The following VPS13B variants were observed in gnomAD, a reference collection of about 807,000 sequenced individuals.
VPS13B encodes intermembrane lipid transfer protein VPS13B.
A neutral mutation model predicts 426.4 loss-of-function variants in VPS13B; 285 were observed. That is an observed-to-expected ratio of 0.67 (90% confidence interval 0.61 to 0.74). The LOEUF (loss-of-function observed/expected upper bound fraction) is 0.74, where lower values mean the gene tolerates loss of function less well. VPS13B is among the 30% of genes least tolerant of loss of function. The probability of loss-of-function intolerance (pLI) is 0.00; values close to 1 mark genes in which losing one functional copy is unlikely to be tolerated. For missense variants in VPS13B, 4,537 were observed against 4,782.6 expected (o/e 0.95, Z 1.51); for synonymous variants, 1,676 against 1,676.4 (o/e 1.00, Z 0.01).
At chr8:99,450,632 G>C (rs1563736884) in intron 23 of VPS13B, among the ~76,000 whole-genome samples, 1 of 152,110 alleles carries the variant, frequency 6.6e-6, no homozygotes, top group East Asian at 1.9e-4. Flanking sequence ...AGAATCGCTT[G>C]AACCTGGGAG....
intron 19 of VPS13B, among the ~76,000 whole-genome samples, chr8:99,276,242 G>A (rs1461573480): frequency 6.6e-6 from 1 of 152,120 alleles, no homozygotes; most frequent in Non-Finnish European, 1.5e-5. Context: ...CAGTTGAGTG[G>A]TATCCACATT....
chr8:99,148,246 C>T (rs1213591540), intron 14 of VPS13B, among the ~76,000 whole-genome samples: 2 of 151,446 alleles, frequency 1.3e-5, no homozygotes, highest in Admixed American at 6.6e-5. Context: ...TGCCTGTATT[C>T]CCAGCTCTTC....
intron 33 of VPS13B, among the ~76,000 whole-genome samples, chr8:99,600,232 T>C (rs1827217975): frequency 6.6e-6 from 1 of 152,112 alleles, no homozygotes; most frequent in Admixed American, 6.5e-5. Context: ...ACTCTCTGAA[T>C]TTGGGGTTAC....
intron 19 of VPS13B, among the ~76,000 whole-genome samples, chr8:99,331,216 T>G (rs2133154938): frequency 6.6e-6 from 1 of 152,012 alleles, no homozygotes; most frequent in East Asian, 1.9e-4. Context: ...TTGTTGTGGT[T>G]GTTTTTAAAT....
chr8:99,741,511 C>T (rs1418596989), intron 39 of VPS13B, among the ~76,000 whole-genome samples: 7 of 152,188 alleles, frequency 4.6e-5, no homozygotes, highest in Non-Finnish European at 1.0e-4. Context: ...CCCAAATCAA[C>T]AGAATATACA....
At chr8:99,424,579 T>C (rs919466010) in intron 21 of VPS13B, 1 of 152,220 alleles carries the variant, frequency 6.6e-6, no homozygotes, top group Admixed American at 6.6e-5. Context: ...GGGAAATTGA[T>C]AGCACTAAAT....
At chr8:99,098,237 C>T (rs1048378596) in intron 4 of VPS13B, among the ~76,000 whole-genome samples, 1 of 152,122 alleles carries the variant, frequency 6.6e-6, no homozygotes, top group African/African-American at 2.4e-5. Flanking sequence ...GGTTTTATGG[C>T]TTCAGTCACT....
intron 40 of VPS13B, among the ~76,000 whole-genome samples, chr8:99,775,696 A>C (rs1014925388): frequency 6.6e-6 from 1 of 152,094 alleles, no homozygotes; most frequent in African/African-American, 2.4e-5. Flanking sequence ...TCAGGAGTTC[A>C]AGACCAGCCT....
At chr8:99,204,977 C>T (rs1025667145) in intron 17 of VPS13B, among the ~76,000 whole-genome samples, 4 of 152,262 alleles carry the variant, frequency 2.6e-5, no homozygotes, top group African/African-American at 9.6e-5. Context: ...ACCAGAAATA[C>T]CATTTGACCC....
chr8:99,567,688 TTGAG>T (rs1006970132), intron 31 of VPS13B, among the ~76,000 whole-genome samples: 2 of 152,198 alleles, frequency 1.3e-5, no homozygotes, highest in South Asian at 2.1e-4. Flanking sequence ...AGGTCCCCTA[TTGAG>T]TATTTCCACA....
Position 99,158,026 on chromosome 8 carries a change from G to A in VPS13B, c.2208+1283G>A, listed in dbSNP as rs563726080. Among the ~76,000 whole-genome samples, 34 of 152,332 alleles carry A rather than the reference G, an allele frequency of 2.2e-4. 1 individual carries two copies. The highest frequency in any genetic ancestry group is 3.4e-3 in the Middle Eastern group (1 of 294). On this transcript the variant is annotated intron_variant, in intron 15 of 61. Transcript: ENST00000357162. ...GCTGGCAGAGGTTGGTTCATGAAGT[G>A]TAAGAGAAGCCATCTCCATAACATA...
rs751322320 is a variant in VPS13B, at chr8:99,870,735, C to T, written c.11393-50C>T. ...CAGATGACATCATTGCAGCATGAAA[C>T]TGTTTTCCAGAAAACAAGTAGTAAA... is the stretch of plus-strand genomic sequence containing the variant. On this transcript the variant is annotated intron_variant, in intron 59 of 61. Coordinates refer to ENST00000357162, the MANE Select transcript of VPS13B (RefSeq NM_152564.5). 10 of 1,533,438 alleles carry T rather than the reference C, an allele frequency of 6.5e-6. No homozygotes were observed. The African/African-American group carries it at 1.2e-4, about 19-fold the overall frequency. 95.0% of individuals were successfully genotyped at this position (1,533,438 alleles called of 1,614,324 possible).
chr8:99,084,197 G>A (rs1372596306), intron 3 of VPS13B, among the ~76,000 whole-genome samples: 2 of 151,750 alleles, frequency 1.3e-5, no homozygotes, highest in African/African-American at 2.4e-5. Context: ...AGGGTGTGTC[G>A]AGGAATTTAT....
chr8:99,602,491 C>G (rs183777361), intron 33 of VPS13B, among the ~76,000 whole-genome samples: 33 of 152,008 alleles, frequency 2.2e-4, no homozygotes, highest in Middle Eastern at 3.4e-3. Context: ...TTTTTTGGCT[C>G]TCACCACTCC....
intron 3 of VPS13B, among the ~76,000 whole-genome samples, chr8:99,054,849 A>G (rs1214543341): frequency 6.6e-6 from 1 of 152,054 alleles, no homozygotes. Flanking sequence ...TGCCCACTGA[A>G]TGGTCTTGTC....
chr8:99,662,174 C>T (rs954179308), intron 35 of VPS13B, among the ~76,000 whole-genome samples: 3 of 152,166 alleles, frequency 2.0e-5, no homozygotes, highest in Admixed American at 2.0e-4. Context: ...CTCCAAAGAC[C>T]AGAGCTTAAC....
At chr8:99,335,074 G>T (rs1380609297) in intron 19 of VPS13B, among the ~76,000 whole-genome samples, 1 of 152,060 alleles carries the variant, frequency 6.6e-6, no homozygotes, top group Non-Finnish European at 1.5e-5. Flanking sequence ...CTTCTTCCTG[G>T]TTTAGTCTTG....
At chr8:99,126,758 A>G (rs1173698615) in intron 8 of VPS13B, among the ~76,000 whole-genome samples, 1 of 152,234 alleles carries the variant, frequency 6.6e-6, no homozygotes, top group African/African-American at 2.4e-5. Context: ...CTTCTGACAT[A>G]TATATGTGGA....
chr8:99,197,038 G>A (rs890692310), intron 17 of VPS13B, among the ~76,000 whole-genome samples: 2 of 152,126 alleles, frequency 1.3e-5, no homozygotes, highest in African/African-American at 2.4e-5. Flanking sequence ...ACGAGAGGCT[G>A]TTGAATTTTG....
Sources: allele counts gnomAD v4.1 joint callset (sites outside exome capture counted in the v4.1 genomes callset), GRCh38; gene constraint gnomAD v4.1.1; transcripts MANE v1.5; gene names NCBI Gene and HGNC (gene_info 2026-07-23, HGNC 2026-07-21).